The following SREK1 variants were observed in gnomAD, a reference collection of about 807,000 sequenced individuals.
The protein encoded by SREK1 is splicing regulatory glutamic acid and lysine rich protein 1, also known as splicing regulatory glutamine/lysine-rich protein 1.
SREK1 carries 13 observed loss-of-function variants against 66.5 expected under a neutral mutation model. The observed-to-expected ratio is 0.20, with a 90% confidence interval of 0.13 to 0.31. The LOEUF (loss-of-function observed/expected upper bound fraction) is 0.31. Ranked by LOEUF, SREK1 falls within the 10% of genes least tolerant of loss-of-function variation. The probability of loss-of-function intolerance (pLI) is 1.00; values close to 1 mark genes in which losing one functional copy is unlikely to be tolerated. For synonymous variants in SREK1, 265 were observed against 263.5 expected (o/e 1.01, Z -0.05); for missense variants, 607 against 769.6 (o/e 0.79, Z 2.50).
chr5:66,149,568 A>G (rs1743581906), intron 1 of SREK1, among the ~76,000 whole-genome samples: 1 of 152,172 alleles, frequency 6.6e-6, no homozygotes, highest in South Asian at 2.1e-4. Context: ...GTTTGAAATG[A>G]AGTAGATTTC....
chr5:66,162,018 G>C (rs1744813953), intron 3 of SREK1, 91 bp from the exon 4 acceptor site: 1 of 1,451,672 alleles, frequency 6.9e-7, no homozygotes, highest in Admixed American at 2.4e-5. Flanking sequence ...TTCTTGTTGA[G>C]TTAGTTCATT....
At position 66,182,197 on chromosome 5, in the gene SREK1, T is replaced by TA. The variant is rs1229317087; in HGVS notation, c.*3330dup. 6.6e-6 allele frequency: 1 copy of TA among 152,200 alleles called. No individual in the cohort carries two copies. Among genetic ancestry groups the TA allele is most frequent in the African/African-American group, 2.4e-5 (1 of 41,456 alleles). 9.4% of individuals were successfully genotyped at this position (152,200 alleles called of 1,614,324 possible). A position where few individuals can be genotyped will look rare whatever the true frequency, so the allele number is the denominator to read the frequency against. On this transcript the variant is annotated 3_prime_UTR_variant, in exon 12 of 12. Transcript: ENST00000334121. Reference sequence around the variant, plus strand: ...TAACTTATAATTTCAGTGAATCATTTACGTTTTCATTGGAAGACAGTATCT... The same window carrying TA: ...TAACTTATAATTTCAGTGAATCATTTAACGTTTTCATTGGAAGACAGTATCT...
chr5:66,178,425 A>G (rs1746243901), intron 11 of SREK1, among the ~76,000 whole-genome samples: 1 of 151,748 alleles, frequency 6.6e-6, no homozygotes, highest in Admixed American at 6.6e-5. Context: ...AAATTATTTC[A>G]CTCTTTCAAT....
Position 66,178,890 on chromosome 5 carries a change from A to G in SREK1, c.*22A>G. The G allele has an allele frequency of 6.4e-7, 1 of 1,562,270 alleles. No individual in the cohort carries two copies. The highest frequency in any genetic ancestry group is 1.7e-4 in the Middle Eastern group (1 of 5,814). On this transcript the variant is annotated 3_prime_UTR_variant, in exon 12 of 12. Transcript: ENST00000334121. ...ATAGGACCGACAAGTGTACCTCTGC[A>G]CTCAATGCTGGAATCAAATCCAAAG...
chr5:66,155,562 AGAG>A (rs1175994163), intron 2 of SREK1, among the ~76,000 whole-genome samples: 4 of 152,220 alleles, frequency 2.6e-5, no homozygotes, highest in African/African-American at 9.7e-5. Context: ...AAGTTCTGTA[AGAG>A]GAGATGTGCT....
At chr5:66,176,291 G>A (rs564772568) in intron 10 of SREK1, among the ~76,000 whole-genome samples, 4 of 152,190 alleles carry the variant, frequency 2.6e-5, no homozygotes, top group Admixed American at 6.5e-5. Flanking sequence ...TTGACTGGCC[G>A]TTCATGTGCC....
At position 66,180,865 on chromosome 5, in the gene SREK1, A is replaced by G. The variant is rs1341499535; in HGVS notation, c.*1997A>G. 3 of 152,574 alleles carry G rather than the reference A, an allele frequency of 2.0e-5. No individual in the cohort carries two copies. Among genetic ancestry groups the G allele is most frequent in the Admixed American group, 1.3e-4 (2 of 15,264 alleles). The allele number at this position is 152,574 out of a possible 1,614,324, so 9.5% of individuals were successfully genotyped here. On this transcript the variant is annotated 3_prime_UTR_variant, in exon 12 of 12. Coordinates refer to ENST00000334121, the MANE Select transcript of SREK1 (RefSeq NM_001077199.3). ...TTATTTTTAGTACCATGTCTTTAAT[A>G]AAGCTAAGTATTTTAGAGGAAAATG...
Position 66,178,947 on chromosome 5 carries a change from A to G in SREK1, c.*79A>G. The G allele has an allele frequency of 7.2e-7, 1 of 1,388,538 alleles. No homozygotes were observed. The highest frequency in any genetic ancestry group is 2.4e-5 in the Admixed American group (1 of 41,958). 86.0% of individuals were successfully genotyped at this position (1,388,538 alleles called of 1,614,324 possible). ...ATTCTCTCAACAAGATGTAAACAGG[A>G]AAGAAATCTAGTTGAGCATGAAGAT... On this transcript the variant is annotated 3_prime_UTR_variant, in exon 12 of 12. Coordinates refer to ENST00000334121, the MANE Select transcript of SREK1 (RefSeq NM_001077199.3).
At position 66,144,301 on chromosome 5, in the gene SREK1, T is replaced by C. The variant is rs964939608; in HGVS notation, c.-76T>C. 3.2e-6 allele frequency: 4 copies of C among 1,253,638 alleles called. No homozygotes were observed. Among genetic ancestry groups the C allele is most frequent in the Non-Finnish European group, 3.3e-6 (3 of 919,788 alleles). 77.7% of individuals were successfully genotyped at this position (1,253,638 alleles called of 1,614,324 possible). A position where few individuals can be genotyped will look rare whatever the true frequency, so the allele number is the denominator to read the frequency against. ...GCGGGAGCGCGCTCGCGGCCGCGCGTTCTCCGCTTTCCCGGCTCCGTCGCT... is the reference window on the plus strand; with the variant it reads ...GCGGGAGCGCGCTCGCGGCCGCGCGCTCTCCGCTTTCCCGGCTCCGTCGCT... On this transcript the variant is annotated 5_prime_UTR_variant, in exon 1 of 12. Transcript: ENST00000334121.
In SREK1 at chr5:66,144,357, G is replaced by T; in HGVS notation, c.-20G>T. On this transcript the variant is annotated 5_prime_UTR_variant, in exon 1 of 12. Transcript: ENST00000334121. The stretch of plus-strand genomic sequence containing the variant: ...GTCGTAGACGTTGGGGAGCGGGAAG[G>T]CAACGGCAGCGGGATCGGGATGAAC... 6.6e-7 allele frequency: 1 copy of T among 1,523,876 alleles called. No homozygotes were observed. Among genetic ancestry groups the T allele is most frequent in the Non-Finnish European group, 8.9e-7 (1 of 1,126,732 alleles). 94.4% of individuals were successfully genotyped at this position (1,523,876 alleles called of 1,614,324 possible). A position where few individuals can be genotyped will look rare whatever the true frequency, so the allele number is the denominator to read the frequency against.
chr5:66,162,278 CTAAT>C lies in SREK1; in HGVS notation c.576+9_576+12del, dbSNP rs1192155095. The C allele has an allele frequency of 6.2e-7, 1 of 1,613,740 alleles. No individual in the cohort carries two copies. The highest frequency in any genetic ancestry group is 8.5e-7 in the Non-Finnish European group (1 of 1,179,898). ...GTTGGAAATCTGAATTCCCAGGTAACTAATTAAAGAAGAAACAAAGCAGCAGTAG... is the reference window on the plus strand; with the variant it reads ...GTTGGAAATCTGAATTCCCAGGTAACTAAAGAAGAAACAAAGCAGCAGTAG... On this transcript the variant is annotated splice_donor_region_variant and intron_variant, in intron 4 of 11. Transcript: ENST00000334121.
intron 2 of SREK1, chr5:66,158,752 G>T: frequency 8.1e-7 from 1 of 1,237,368 alleles, no homozygotes. Context: ...CATTTCTGGG[G>T]ATTAAACTTT....
chr5:66,172,824 ATTTTT>A (rs762670649), intron 9 of SREK1, among the ~76,000 whole-genome samples: 4 of 118,230 alleles, frequency 3.4e-5, no homozygotes, highest in African/African-American at 1.4e-4. Flanking sequence ...ATTTCTTTGA[ATTTTT>A]TTTTTTTTTT....
intron 10 of SREK1, among the ~76,000 whole-genome samples, chr5:66,176,805 A>G (rs1580680609): frequency 6.6e-6 from 1 of 152,124 alleles, no homozygotes; most frequent in South Asian, 2.1e-4. Flanking sequence ...TACATAGGAA[A>G]GTTATTGATT....
chr5:66,163,860 TAGA>T lies in SREK1; in HGVS notation c.830_832del (p.Glu277del). ...ACACCTCAGGCTGCAGCTAAGGAGT[TAGA>T]AGAAGTAATGAAGCGAGTACGAGAA... On this transcript the variant is annotated inframe_deletion, in exon 6 of 12. Transcript: ENST00000334121. The T allele has an allele frequency of 6.2e-7, 1 of 1,613,740 alleles. No homozygotes were observed. The highest frequency in any genetic ancestry group is 8.5e-7 in the Non-Finnish European group (1 of 1,179,698).
At position 66,162,255 on chromosome 5, in the gene SREK1, T is replaced by C. The variant is rs1258042903; in HGVS notation, c.558T>C (p.Val186=). Residue 186 remains valine, a synonymous_variant, in exon 4 of 12, where the codon GTT becomes GTC. Coordinates refer to ENST00000334121, the MANE Select transcript of SREK1 (RefSeq NM_001077199.3). ...ATGAAATTAGGAGAACGGTTTATGT[T>C]GGAAATCTGAATTCCCAGGTAACTA... ...KIDEIRRTVY[V]GNLNSQTTTA... 1 of 1,614,040 alleles carries C rather than the reference T, an allele frequency of 6.2e-7. No individual in the cohort carries two copies. Among genetic ancestry groups the C allele is most frequent in the Admixed American group, 1.7e-5 (1 of 60,000 alleles).
rs959829055 is a variant in SREK1 at position 66,144,373 on chromosome 5, C to T, written c.-4C>T. 1 of 1,539,226 alleles carries T rather than the reference C, an allele frequency of 6.5e-7. No homozygotes were observed. The highest frequency in any genetic ancestry group is 8.8e-7 in the Non-Finnish European group (1 of 1,138,442). ...AGCGGGAAGGCAACGGCAGCGGGATCGGGATGAACAGCGGCGGCGGCTTCG... is the reference window on the plus strand; with the variant it reads ...AGCGGGAAGGCAACGGCAGCGGGATTGGGATGAACAGCGGCGGCGGCTTCG... On this transcript the variant is annotated 5_prime_UTR_variant, in exon 1 of 12. Coordinates refer to ENST00000334121, the MANE Select transcript of SREK1 (RefSeq NM_001077199.3).
At chr5:66,156,929 A>G in intron 2 of SREK1, 2 of 985,056 alleles carry the variant, frequency 2.0e-6, no homozygotes, top group Non-Finnish European at 2.4e-6. Context: ...TGTTTTCCTC[A>G]GTTGACTTTG....
At chr5:66,145,643 C>A (rs1371834570) in intron 1 of SREK1, among the ~76,000 whole-genome samples, 1 of 151,696 alleles carries the variant, frequency 6.6e-6, no homozygotes, top group Admixed American at 6.6e-5. Flanking sequence ...ATATTTCATG[C>A]ATACAGAAAA....
Sources: gnomAD v4.1 joint callset for allele counts (sites outside exome capture counted in the v4.1 genomes callset) on GRCh38, gnomAD v4.1.1 for gene constraint, MANE v1.5 for transcripts, NCBI Gene and HGNC (gene_info 2026-07-23, HGNC 2026-07-21) for gene names.